Variants in HSP90AB1 observed in about 807,000 individuals in gnomAD.
HSP90AB1 encodes heat shock protein HSP 90-beta.
HSP90AB1 carries 17 observed loss-of-function variants against 67.8 expected under a neutral mutation model. The ratio of observed to expected loss-of-function variants is 0.25; its 90% CI spans 0.17 to 0.38. The LOEUF is 0.38. Among genes scored for constraint, HSP90AB1 ranks in the 10% least tolerant of loss-of-function variants. The pLI is 1.00. For synonymous variants in HSP90AB1, 390 were observed against 312.9 expected, an observed-to-expected ratio of 1.25 and a Z score of -2.60; for missense variants, 690 against 899.9, an observed-to-expected ratio of 0.77 and a Z score of 2.98.
intron 6 of HSP90AB1, 115 bp downstream of exon 6, chr6:44,250,714 G>A: frequency 1.5e-6 from 1 of 673,538 alleles, no homozygotes; most frequent in Non-Finnish European, 2.6e-6. Flanking sequence ...ACAGAAATGT[G>A]ATAGCCATGT....
intron 6 of HSP90AB1, 95 bp from the exon 7 acceptor site, chr6:44,250,953 C>G (rs868242330): frequency 5.4e-6 from 6 of 1,116,870 alleles, no homozygotes; most frequent in Middle Eastern, 2.0e-4. Context: ...ATCCCTTAGG[C>G]TTAGGGAGGA....
rs1781003205 is a variant in HSP90AB1, at chr6:44,253,520, A to G, written c.2097A>G (p.Glu699=). 2.5e-6 allele frequency: 4 copies of G among 1,613,864 alleles called. No homozygotes were observed. Among genetic ancestry groups the G allele is most frequent in the African/African-American group, 1.3e-5 (1 of 74,900 alleles). The change falls in exon 12 of 12, where the codon GAA becomes GAG. Residue 699 remains glutamate, a synonymous_variant. Coordinates refer to ENST00000371646, the MANE Select transcript of HSP90AB1 (RefSeq NM_007355.4). ...ATGAAGATGAAGTGGCAGCAGAGGA[A>G]CCCAATGCTGCAGTTCCTGATGAGA... ...GIDEDEVAAE[E]PNAAVPDEIP...
At chr6:44,253,443 C>T (rs1780987647) in intron 11 of HSP90AB1, 46 bp from the exon 12 acceptor site, 2 of 1,604,910 alleles carry the variant, frequency 1.2e-6, no homozygotes, top group Non-Finnish European at 1.7e-6. Context: ...ATGGATTTGA[C>T]TTAATGCTAT....
Position 44,248,533 on chromosome 6 carries a change from A to T in HSP90AB1, c.1-97A>T, listed in dbSNP as rs561766299. 4.4e-6 allele frequency: 5 copies of T among 1,132,120 alleles called. No homozygotes were observed. In the African/African-American group the frequency reaches 7.8e-5, roughly 18 times the overall value. The allele number at this position is 1,132,120 out of a possible 1,614,324, so 70.1% of individuals were successfully genotyped here. A position where few individuals can be genotyped will look rare whatever the true frequency, so the allele number is the denominator to read the frequency against. On this transcript the variant is annotated intron_variant, in intron 1 of 11. Transcript: ENST00000371646. Reference sequence around the variant, plus strand: ...TAGTACTCCGGTTAAACCAGTCTGAACTCACTGTCTAAGGTCCTAACAAAT... The same window carrying T: ...TAGTACTCCGGTTAAACCAGTCTGATCTCACTGTCTAAGGTCCTAACAAAT...
In HSP90AB1 at chr6:44,249,682, C is replaced by T; in HGVS notation, c.362C>T (p.Ala121Val). Residue 121 changes from alanine to valine, a missense_variant, in exon 4 of 12, where the codon GCA becomes GTA. Physicochemically the swap from Ala to Val is moderately conservative, Grantham distance 64. Coordinates refer to ENST00000371646, the MANE Select transcript of HSP90AB1 (RefSeq NM_007355.4). ...KAFMEALQAG[A>V]DISMIGQFGV... ...CTTTAAACTTGTTGGCAGGCTGGTG[C>T]AGACATCTCCATGATTGGGCAGTTT... 4.3e-6 allele frequency: 7 copies of T among 1,613,332 alleles called. No homozygotes were observed. The highest frequency in any genetic ancestry group is 5.9e-6 in the Non-Finnish European group (7 of 1,179,582).
Position 44,250,534 on chromosome 6 carries a change from C to A in HSP90AB1, c.892C>A (p.Gln298Lys). Reference sequence around the variant, plus strand: ...GACCAGAAACCCTGATGACATCACCCAAGAGGAGTATGGAGAATTCTACAA... The same window carrying A: ...GACCAGAAACCCTGATGACATCACCAAAGAGGAGTATGGAGAATTCTACAA... Reference protein sequence around the residue: ...IWTRNPDDITQEEYGEFYKSL... With the variant: ...IWTRNPDDITKEEYGEFYKSL... The change falls in exon 6 of 12, where the codon CAA (glutamine) becomes AAA (lysine). Residue 298 changes from glutamine to lysine, a missense_variant. Transcript: ENST00000371646. 1 of 1,613,938 alleles carries A rather than the reference C, an allele frequency of 6.2e-7. No individual in the cohort carries two copies. Among genetic ancestry groups the A allele is most frequent in the South Asian group, 1.1e-5 (1 of 91,052 alleles).
chr6:44,249,590 C>T lies in HSP90AB1; in HGVS notation c.354+7C>T, dbSNP rs1438899769. The T allele has an allele frequency of 5.0e-6, 8 of 1,612,950 alleles. No homozygotes were observed. The African/African-American group carries it at 9.3e-5, about 19-fold the overall frequency. On this transcript the variant is annotated splice_region_variant and intron_variant, in intron 3 of 11. Coordinates refer to ENST00000371646, the MANE Select transcript of HSP90AB1 (RefSeq NM_007355.4). ...ATTCATGGAGGCTCTTCAGGTATTGCAGTTCTGTAGGCATTCATACTTATC... is the reference window on the plus strand; with the variant it reads ...ATTCATGGAGGCTCTTCAGGTATTGTAGTTCTGTAGGCATTCATACTTATC...
chr6:44,249,677 T>C lies in HSP90AB1; in HGVS notation c.357T>C (p.Ala119=). The change falls in exon 4 of 12, where the codon GCT becomes GCC. Residue 119 remains alanine, a splice_region_variant and synonymous_variant. Transcript: ENST00000371646. ...GTKAFMEALQ[A]GADISMIGQF... is the part of the protein sequence containing the mutation. ...ATTGACTTTAAACTTGTTGGCAGGC[T>C]GGTGCAGACATCTCCATGATTGGGC... The C allele has an allele frequency of 1.2e-6, 2 of 1,612,956 alleles. No homozygotes were observed. The highest frequency in any genetic ancestry group is 1.7e-6 in the Non-Finnish European group (2 of 1,179,236).
In HSP90AB1 at chr6:44,253,201, C is replaced by G; in HGVS notation, c.1888C>G (p.Pro630Ala). 1 of 1,614,202 alleles carries G rather than the reference C, an allele frequency of 6.2e-7. No individual in the cohort carries two copies. Among genetic ancestry groups the G allele is most frequent in the Non-Finnish European group, 8.5e-7 (1 of 1,180,030 alleles). The change falls in exon 11 of 12, where the codon CCT (proline) becomes GCT (alanine). Residue 630 changes from proline (P) to alanine (A), a missense_variant. By Grantham distance (27) the Pro-to-Ala change is conservative. Coordinates refer to ENST00000371646, the MANE Select transcript of HSP90AB1 (RefSeq NM_007355.4). ...GGCCAAAAAGCACCTGGAGATCAAC[C>G]CTGACCACCCCATTGTGGAGACGCT... Reference protein sequence around the residue: ...MMAKKHLEINPDHPIVETLRQ... With the variant: ...MMAKKHLEINADHPIVETLRQ...
intron 6 of HSP90AB1, 109 bp downstream of exon 6, chr6:44,250,708 A>T (rs1780527334): frequency 4.4e-6 from 3 of 685,266 alleles, no homozygotes; most frequent in Non-Finnish European, 7.8e-6. Flanking sequence ...CTGATAACAG[A>T]AATGTGATAG....
At chr6:44,252,801 T>A (rs369213588) in intron 10 of HSP90AB1, among the ~76,000 whole-genome samples, 1 of 150,690 alleles carries the variant, frequency 6.6e-6, no homozygotes, top group Non-Finnish European at 1.5e-5. Context: ...CTGGCCGATT[T>A]TTTTTTTTTT....
chr6:44,253,806 T>C lies in HSP90AB1; in HGVS notation c.*208T>C. 1 of 768,362 alleles carries C rather than the reference T, an allele frequency of 1.3e-6. No individual in the cohort carries two copies. Among genetic ancestry groups the C allele is most frequent in the Non-Finnish European group, 2.4e-6 (1 of 411,410 alleles). 47.6% of individuals were successfully genotyped at this position (768,362 alleles called of 1,614,324 possible). On this transcript the variant is annotated 3_prime_UTR_variant, in exon 12 of 12. Transcript: ENST00000371646. ...CTTGACAGCAGGATTGGATGTTGTG[T>C]ATTGTGGTTTATTTTATTTTCTTCA... is the stretch of plus-strand genomic sequence containing the variant.
At position 44,250,043 on chromosome 6, in the gene HSP90AB1, C is replaced by G; in HGVS notation, c.537C>G (p.Thr179=). 6.2e-7 allele frequency: 1 copy of G among 1,614,168 alleles called. No individual in the cohort carries two copies. Among genetic ancestry groups the G allele is most frequent in the Non-Finnish European group, 8.5e-7 (1 of 1,180,000 alleles). The change falls in exon 5 of 12, where the codon ACC becomes ACG. Residue 179 remains threonine, a synonymous_variant. Coordinates refer to ENST00000371646, the MANE Select transcript of HSP90AB1 (RefSeq NM_007355.4). ...TAGGTGAGCCCATTGGCAGGGGTAC[C>G]AAAGTGATCCTCCATCTTAAAGAAG... The part of the protein sequence containing the change: ...ADHGEPIGRG[T]KVILHLKEDQ...
intron 11 of HSP90AB1, 39 bp from the exon 12 acceptor site, chr6:44,253,450 C>T: frequency 6.3e-7 from 1 of 1,599,876 alleles, no homozygotes; most frequent in Non-Finnish European, 8.6e-7. Context: ...TGACTTAATG[C>T]TATTTGGTCA....
At chr6:44,246,554 C>T (rs1779927401), upstream of HSP90AB1, among the ~76,000 whole-genome samples, 1 of 152,228 alleles carries the variant, frequency 6.6e-6, no homozygotes, top group South Asian at 2.1e-4. Flanking sequence ...GCTGAGCTGC[C>T]CCTCAGCGCG....
chr6:44,251,622 T>TA lies in HSP90AB1; in HGVS notation c.1314+16dup, dbSNP rs1780643981. 1.3e-6 allele frequency: 2 copies of TA among 1,595,814 alleles called. No individual in the cohort carries two copies. The highest frequency in any genetic ancestry group is 1.7e-6 in the Non-Finnish European group (2 of 1,168,156). ...AAAAATCTCAAGGTAAAAAGGCAAA[T>TA]AATGCTTATTCCCTTTACCACTTTC... On this transcript the variant is annotated intron_variant, in intron 8 of 11. Transcript: ENST00000371646.
intron 10 of HSP90AB1, 91 bp from the exon 11 acceptor site, chr6:44,252,954 C>A: frequency 9.3e-7 from 1 of 1,075,772 alleles, no homozygotes; most frequent in Non-Finnish European, 1.4e-6. Flanking sequence ...GGTCTGTCCA[C>A]CTCCTCCCCC....
rs1396053775 is a variant in HSP90AB1 at position 44,248,701 on chromosome 6, C to G, written c.72C>G (p.Leu24=). The G allele has an allele frequency of 6.2e-7, 1 of 1,613,806 alleles. No homozygotes were observed. Among genetic ancestry groups the G allele is most frequent in the East Asian group, 2.2e-5 (1 of 44,890 alleles). The stretch of plus-strand genomic sequence containing the variant: ...CCTTTCAGGCAGAAATTGCCCAACT[C>G]ATGTCCCTCATCATCAATACCTTCT... ...TFAFQAEIAQ[L]MSLIINTFYS... Residue 24 remains leucine, a synonymous_variant, in exon 2 of 12, where the codon CTC becomes CTG. Transcript: ENST00000371646.
At chr6:44,249,922 AAGCAGTTCTTCAC>A (rs1780429117) in intron 4 of HSP90AB1, 86 bp from the exon 5 acceptor site, 1 of 1,585,594 alleles carries the variant, frequency 6.3e-7, no homozygotes, top group African/African-American at 1.3e-5. Flanking sequence ...CCTGTCTGTA[AAGCAGTTCTTCAC>A]AGCAGTTCTG....
Sources: allele counts gnomAD v4.1 joint callset (sites outside exome capture counted in the v4.1 genomes callset), GRCh38; gene constraint gnomAD v4.1.1; transcripts MANE v1.5; gene names NCBI Gene and HGNC (gene_info 2026-07-23, HGNC 2026-07-21).